The following DLG2 variants were observed in gnomAD, a reference collection of about 807,000 sequenced individuals.
The protein encoded by DLG2 is disks large homolog 2.
In DLG2, 45 loss-of-function variants were observed where a neutral mutation model predicts 132.5. The ratio of observed to expected loss-of-function variants is 0.34; its 90% CI spans 0.27 to 0.44. The LOEUF (loss-of-function observed/expected upper bound fraction) is 0.44, where lower values mean the gene tolerates loss of function less well. Ranked by LOEUF, DLG2 falls within the 20% of genes least tolerant of loss-of-function variation. The probability of loss-of-function intolerance (pLI) is 1.00; values close to 1 mark genes in which losing one functional copy is unlikely to be tolerated. For missense variants in DLG2, 1,045 were observed against 1,196.9 expected (o/e 0.87, Z 1.87); for synonymous variants, 424 against 419.6 (o/e 1.01, Z -0.13).
At chr11:85,331,372 A>T (rs189913588) in intron 3 of DLG2, among the ~76,000 whole-genome samples, 37 of 152,316 alleles carry the variant, frequency 2.4e-4, no homozygotes, top group Admixed American at 5.2e-4. Flanking sequence ...AGCGGTAATA[A>T]AATCATTTAA....
intron 6 of DLG2, among the ~76,000 whole-genome samples, chr11:84,857,499 G>A (rs569270559): frequency 5.1e-4 from 77 of 151,820 alleles, no homozygotes; most frequent in Non-Finnish European, 9.7e-4. Context: ...AAAAGAGAAG[G>A]AATTCTTATT....
intron 3 of DLG2, among the ~76,000 whole-genome samples, chr11:85,438,918 T>C (rs1214627394): frequency 1.3e-5 from 2 of 152,242 alleles, no homozygotes; most frequent in Non-Finnish European, 2.9e-5. Flanking sequence ...CAAAATGTTA[T>C]GTAAATGGAA....
At chr11:85,058,416 A>G (rs1034285903) in intron 6 of DLG2, among the ~76,000 whole-genome samples, 4 of 151,610 alleles carry the variant, frequency 2.6e-5, no homozygotes, top group African/African-American at 9.7e-5. Flanking sequence ...ACACATATAT[A>G]TCATGCCATT....
intron 6 of DLG2, among the ~76,000 whole-genome samples, chr11:84,866,167 T>C (rs544869899): frequency 2.4e-4 from 37 of 151,468 alleles, no homozygotes; most frequent in Non-Finnish European, 2.9e-5. Context: ...ATCTATTCTG[T>C]GCTCCTTCTG....
intron 17 of DLG2, chr11:83,791,619 G>T (rs1409786422): frequency 5.2e-6 from 2 of 382,606 alleles, no homozygotes; most frequent in Non-Finnish European, 9.8e-6. Context: ...AATACTAGGG[G>T]ATTCACTTCT....
At chr11:84,641,297 G>A (rs1485470300) in intron 6 of DLG2, among the ~76,000 whole-genome samples, 1 of 152,158 alleles carries the variant, frequency 6.6e-6, no homozygotes, top group Non-Finnish European at 1.5e-5. Context: ...TTATGTTGAA[G>A]ATGACATAAG....
chr11:85,088,548 AG>A (rs1277518554), intron 6 of DLG2, among the ~76,000 whole-genome samples: 1 of 152,216 alleles, frequency 6.6e-6, no homozygotes, highest in Non-Finnish European at 1.5e-5. Context: ...ACTAGAGGTC[AG>A]GAGAGACTTC....
chr11:85,424,056 T>C (rs393308), intron 3 of DLG2, among the ~76,000 whole-genome samples: 119,235 of 152,022 alleles, frequency 0.78, 47,126 homozygotes, highest in Middle Eastern at 0.87. Context: ...AAGGACCCCA[T>C]GAGGCCAGGC....
Position 84,547,611 on chromosome 11 carries a change from A to G in DLG2, c.358-12880T>C, listed in dbSNP as rs80033395. On this transcript the variant is annotated intron_variant, in intron 6 of 27. Coordinates refer to ENST00000376104, the MANE Select transcript of DLG2 (RefSeq NM_001142699.3). The stretch of plus-strand genomic sequence containing the variant: ...TTTTTCACATACTGCTCAACCTTCA[A>G]AACTTAGTTGATAAATGATATCTTT... Among the ~76,000 whole-genome samples, 14 of 152,216 alleles carry G rather than the reference A, an allele frequency of 9.2e-5. No homozygotes were observed. The East Asian group carries it at 2.7e-3, about 29-fold the overall frequency.
intron 7 of DLG2, among the ~76,000 whole-genome samples, chr11:84,442,706 AAAAGAAAGAAAG>A (rs56224511): frequency 2.0e-5 from 3 of 148,876 alleles, no homozygotes; most frequent in South Asian, 2.1e-4. Context: ...TAATTAAAAA[AAAAGAAAGAAAG>A]AAAGAAAGAA....
intron 7 of DLG2, among the ~76,000 whole-genome samples, chr11:84,347,617 G>A (rs1290095039): frequency 6.6e-6 from 1 of 152,178 alleles, no homozygotes; most frequent in South Asian, 2.1e-4. Flanking sequence ...AAAAGCTTCT[G>A]TGGTCATGAC....
chr11:84,480,262 G>T (rs1448048468), intron 7 of DLG2, among the ~76,000 whole-genome samples: 1 of 151,836 alleles, frequency 6.6e-6, no homozygotes, highest in Non-Finnish European at 1.5e-5. Flanking sequence ...ATACTGTTTT[G>T]CCTTATCTAA....
At chr11:83,707,059 A>C (rs1337235301) in intron 18 of DLG2, among the ~76,000 whole-genome samples, 6 of 152,190 alleles carry the variant, frequency 3.9e-5, no homozygotes, top group African/African-American at 1.4e-4. Context: ...TTTTATCTCT[A>C]TTTATATATA....
At chr11:84,305,830 G>GA (rs1211890360) in intron 7 of DLG2, among the ~76,000 whole-genome samples, 3 of 152,090 alleles carry the variant, frequency 2.0e-5, no homozygotes, top group Non-Finnish European at 4.4e-5. Context: ...TGAAAAAACA[G>GA]AAAACTCTAA....
intron 6 of DLG2, among the ~76,000 whole-genome samples, chr11:84,945,137 T>C (rs2050035960): frequency 6.6e-6 from 1 of 152,200 alleles, no homozygotes; most frequent in Non-Finnish European, 1.5e-5. Flanking sequence ...TAGGTATTTA[T>C]TGTAGTCTTT....
chr11:84,230,982 A>G (rs2097084428), intron 8 of DLG2, among the ~76,000 whole-genome samples: 1 of 152,232 alleles, frequency 6.6e-6, no homozygotes, highest in Non-Finnish European at 1.5e-5. Context: ...TAACTACCTC[A>G]GAATATACAT....
intron 15 of DLG2, among the ~76,000 whole-genome samples, chr11:83,887,197 A>G (rs371316015): frequency 2.6e-5 from 4 of 152,028 alleles, no homozygotes; most frequent in Middle Eastern, 3.2e-3. Flanking sequence ...TTGATAGACC[A>G]CTAGCAAGAC....
intron 18 of DLG2, among the ~76,000 whole-genome samples, chr11:83,770,672 A>G (rs1382351506): frequency 2.0e-5 from 3 of 152,186 alleles, no homozygotes; most frequent in Non-Finnish European, 4.4e-5. Context: ...ATTATGCTTA[A>G]AAGCCAGATA....
chr11:85,090,893 G>C (rs1396746136), intron 6 of DLG2, among the ~76,000 whole-genome samples: 2 of 152,192 alleles, frequency 1.3e-5, no homozygotes, highest in East Asian at 3.8e-4. Flanking sequence ...GGCATCTGTT[G>C]AAAGCCTCAG....
Sources: gnomAD v4.1 joint callset for allele counts (sites outside exome capture counted in the v4.1 genomes callset) on GRCh38, gnomAD v4.1.1 for gene constraint, MANE v1.5 for transcripts, NCBI Gene and HGNC (gene_info 2026-07-23, HGNC 2026-07-21) for gene names.